The following PTPRD variants were observed in gnomAD, a reference collection of about 807,000 sequenced individuals.
PTPRD encodes the protein protein tyrosine phosphatase receptor type D.
PTPRD carries 34 observed loss-of-function variants against 214.5 expected under a neutral mutation model. That is an observed-to-expected ratio of 0.16 (90% CI 0.12 to 0.21). PTPRD has a LOEUF of 0.21. Ranked by LOEUF, PTPRD falls within the 10% of genes least tolerant of loss-of-function variation. The pLI is 1.00. For synonymous variants in PTPRD, 1,128 were observed against 845.7 expected (o/e 1.33, Z -5.79); for missense variants, 2,545 against 2,398.7 (o/e 1.06, Z -1.27).
chr9:9,678,135 C>T (rs897976848), intron 7 of PTPRD, among the ~76,000 whole-genome samples: 1 of 152,012 alleles, frequency 6.6e-6, no homozygotes, highest in Non-Finnish European at 1.5e-5. Context: ...TGAAAATGGC[C>T]ATACTGCCCA....
chr9:9,447,948 C>A (rs1279605499), intron 8 of PTPRD, among the ~76,000 whole-genome samples: 1 of 152,012 alleles, frequency 6.6e-6, no homozygotes, highest in African/African-American at 2.4e-5. Flanking sequence ...GAAGCCAGGC[C>A]ACATAGTCTT....
intron 3 of PTPRD, among the ~76,000 whole-genome samples, chr9:10,198,391 T>G (rs569074659): frequency 1.3e-5 from 2 of 152,238 alleles, no homozygotes; most frequent in East Asian, 3.9e-4. Flanking sequence ...AAGATGGAGT[T>G]AGGCAGCATC....
At chr9:10,430,210 A>C (rs1231355059) in intron 2 of PTPRD, among the ~76,000 whole-genome samples, 1 of 151,980 alleles carries the variant, frequency 6.6e-6, no homozygotes, top group African/African-American at 2.4e-5. Context: ...TTTCCTTCTT[A>C]TAAAATGTTT....
At chr9:8,832,431 T>G (rs2097315679) in intron 11 of PTPRD, among the ~76,000 whole-genome samples, 3 of 135,124 alleles carry the variant, frequency 2.2e-5, no homozygotes, top group South Asian at 2.3e-4. Context: ...TTTTTTTTTG[T>G]CAAATAACAC....
chr9:10,191,523 T>G (rs2154321097), intron 3 of PTPRD, among the ~76,000 whole-genome samples: 1 of 152,320 alleles, frequency 6.6e-6, no homozygotes, highest in African/African-American at 2.4e-5. Flanking sequence ...TCCAGTCTTC[T>G]ATATATTCCT....
intron 9 of PTPRD, among the ~76,000 whole-genome samples, chr9:9,245,405 G>A (rs2099972570): frequency 6.6e-6 from 1 of 152,110 alleles, no homozygotes; most frequent in Non-Finnish European, 1.5e-5. Flanking sequence ...TTAAGAAAAT[G>A]TGGCACATAT....
At chr9:8,631,619 G>C (rs1267395737) in intron 14 of PTPRD, among the ~76,000 whole-genome samples, 3 of 151,820 alleles carry the variant, frequency 2.0e-5, no homozygotes, top group Non-Finnish European at 2.9e-5. Context: ...AGTAGGAATA[G>C]TGCTGGAAAT....
At chr9:9,952,246 G>C (rs571958942) in intron 4 of PTPRD, among the ~76,000 whole-genome samples, 20 of 152,266 alleles carry the variant, frequency 1.3e-4, no homozygotes, top group African/African-American at 4.8e-4. Flanking sequence ...TTTTGTCCTG[G>C]TTAAAGGTGG....
At chr9:9,028,231 G>A (rs540675661) in intron 10 of PTPRD, among the ~76,000 whole-genome samples, 1 of 152,000 alleles carries the variant, frequency 6.6e-6, no homozygotes, top group East Asian at 1.9e-4. Flanking sequence ...ATACTGATAA[G>A]AAATTCAGAC....
At chr9:10,192,247 T>C (rs1439679979) in intron 3 of PTPRD, among the ~76,000 whole-genome samples, 1 of 152,050 alleles carries the variant, frequency 6.6e-6, no homozygotes, top group Admixed American at 6.6e-5. Context: ...GGAGTGTCAC[T>C]GAATAAACGG....
chr9:9,475,925 C>G (rs2094999321), intron 8 of PTPRD, among the ~76,000 whole-genome samples: 1 of 152,102 alleles, frequency 6.6e-6, no homozygotes, highest in African/African-American at 2.4e-5. Context: ...GTGGTAGTTT[C>G]ACACATTGTA....
chr9:10,352,825 G>A (rs1276821807), intron 2 of PTPRD, among the ~76,000 whole-genome samples: 1 of 151,952 alleles, frequency 6.6e-6, no homozygotes, highest in East Asian at 1.9e-4. Flanking sequence ...TCTTTTTTAT[G>A]CAGGATTTTA....
At chr9:10,060,783 TCTTTCTTTCTTTCTTTCTTC>T (rs1567402835) in intron 3 of PTPRD, among the ~76,000 whole-genome samples, 1 of 126,010 alleles carries the variant, frequency 7.9e-6, no homozygotes, top group Non-Finnish European at 1.5e-5. Context: ...TGCTTTTCTT[TCTTTCTTTCTTTCTTTCTTC>T]CTTTCTTTCT....
chr9:10,038,463 T>C (rs926847561), intron 3 of PTPRD, among the ~76,000 whole-genome samples: 1 of 152,172 alleles, frequency 6.6e-6, no homozygotes, highest in African/African-American at 2.4e-5. Flanking sequence ...CAGTGAACAA[T>C]AACAATAGAT....
At chr9:10,050,286 C>T (rs1027106112) in intron 3 of PTPRD, among the ~76,000 whole-genome samples, 3 of 151,648 alleles carry the variant, frequency 2.0e-5, no homozygotes, top group Admixed American at 1.3e-4. Flanking sequence ...CTCGGCCGGG[C>T]TCGGTGGCTC....
intron 9 of PTPRD, among the ~76,000 whole-genome samples, chr9:9,329,709 T>G (rs2136450016): frequency 6.6e-6 from 1 of 152,296 alleles, no homozygotes; most frequent in Admixed American, 6.5e-5. Flanking sequence ...GAACATCCAG[T>G]TTACCATTAT....
At chr9:10,089,684 A>G (rs372180240) in intron 3 of PTPRD, among the ~76,000 whole-genome samples, 14 of 151,836 alleles carry the variant, frequency 9.2e-5, no homozygotes, top group African/African-American at 3.4e-4. Flanking sequence ...TTGAACTACT[A>G]TTTAAAAAGT....
intron 2 of PTPRD, among the ~76,000 whole-genome samples, chr9:10,491,772 G>C (rs1482467294): frequency 6.6e-6 from 1 of 151,376 alleles, no homozygotes; most frequent in Non-Finnish European, 1.5e-5. Flanking sequence ...ATGCAGGTTT[G>C]TTACATAGGT....
chr9:8,905,208 C>G (rs1435880425), intron 11 of PTPRD, among the ~76,000 whole-genome samples: 1 of 152,124 alleles, frequency 6.6e-6, no homozygotes, highest in Admixed American at 6.5e-5. Flanking sequence ...AAAAATCAAG[C>G]AGTTCCAAAG....
Sources: gnomAD v4.1 joint callset for allele counts (sites outside exome capture counted in the v4.1 genomes callset) on GRCh38, gnomAD v4.1.1 for gene constraint, MANE v1.5 for transcripts, NCBI Gene and HGNC (gene_info 2026-07-23, HGNC 2026-07-21) for gene names.